GAS2: variants seen among roughly 807,000 people sequenced by gnomAD.
The protein encoded by GAS2 is growth arrest-specific protein 2.
A neutral mutation model predicts 37.5 loss-of-function variants in GAS2; 20 were observed. That is an observed-to-expected ratio of 0.53 (90% CI 0.37 to 0.77). The LOEUF is 0.77. Among genes scored for constraint, GAS2 ranks in the 30% least tolerant of loss-of-function variants. GAS2 has a pLI of 0.00. For missense variants in GAS2, 336 were observed against 373.4 expected (o/e 0.90, Z 0.82); for synonymous variants, 144 against 132.2 (o/e 1.09, Z -0.61).
Position 22,655,033 on chromosome 11 carries a change from G to A in GAS2, c.-20-19817G>A, listed in dbSNP as rs77263333. On this transcript the variant is annotated intron_variant, in intron 1 of 5. Transcript: ENST00000528582. ...TTAAGTCCAAACGTCTTAAAATGTT[G>A]TTCAAAACCACCTTAAACCTGATCA... Among the ~76,000 whole-genome samples the A allele has an allele frequency of 5.3e-3, 801 of 152,264 alleles. 7 individuals carry two copies. The highest frequency in any genetic ancestry group is 0.018 in the African/African-American group (765 of 41,552).
intron 3 of GAS2, among the ~76,000 whole-genome samples, chr11:22,690,939 A>G (rs1850218062): frequency 6.6e-6 from 1 of 152,096 alleles, no homozygotes; most frequent in South Asian, 2.1e-4. Context: ...ACGGGGCATC[A>G]GCGTGGGGCA....
intron 4 of GAS2, among the ~76,000 whole-genome samples, chr11:22,726,800 G>A (rs1056935425): frequency 2.8e-4 from 43 of 152,024 alleles, no homozygotes; most frequent in Admixed American, 2.6e-3. Context: ...AGCTGTGCAT[G>A]TTCTAGCCAT....
chr11:22,715,839 T>C (rs1345380327), intron 3 of GAS2, among the ~76,000 whole-genome samples: 1 of 152,068 alleles, frequency 6.6e-6, no homozygotes, highest in Non-Finnish European at 1.5e-5. Flanking sequence ...CCCTAAATCA[T>C]TCTATTAATC....
At chr11:22,639,054 T>C (rs1410738760) in intron 1 of GAS2, among the ~76,000 whole-genome samples, 2 of 152,158 alleles carry the variant, frequency 1.3e-5, no homozygotes. Flanking sequence ...AACAATTGTT[T>C]TATAGAGATT....
chr11:22,759,489 C>T (rs1854250262), intron 7 of GAS2, among the ~76,000 whole-genome samples: 1 of 152,120 alleles, frequency 6.6e-6, no homozygotes, highest in Admixed American at 6.5e-5. Flanking sequence ...TTGTTTCTAG[C>T]TTATGAAAAA....
At chr11:22,685,548 T>TC (rs1849898135) in intron 2 of GAS2, 120 bp from the exon 3 acceptor site, 1 of 993,070 alleles carries the variant, frequency 1.0e-6, no homozygotes, top group African/African-American at 1.6e-5. Context: ...TAAGCTCCTA[T>TC]CCCAGTTATG....
Position 22,674,905 on chromosome 11 carries a change from A to G in GAS2, c.36A>G (p.Gly12=), listed in dbSNP as rs922571. The G allele has an allele frequency of 0.65, 1,041,392 of 1,612,578 alleles. 344,793 individuals are homozygous for G. Among genetic ancestry groups the G allele is most frequent in the East Asian group, 0.77 (34,714 of 44,834 alleles). Residue 12 remains glycine, a synonymous_variant, in exon 2 of 8, where the codon GGA becomes GGG. Coordinates refer to ENST00000454584, the MANE Select transcript of GAS2 (RefSeq NM_001143830.3). ...CTALSPKVRS[G]PGLSDMHQYS... is the part of the protein sequence containing the mutation. ...CTCTGAGCCCAAAGGTACGCAGTGG[A>G]CCTGGCCTCTCTGATATGCATCAGT...
chr11:22,800,779 G>A (rs1348438368), intron 7 of GAS2, among the ~76,000 whole-genome samples: 1 of 151,972 alleles, frequency 6.6e-6, no homozygotes, highest in Admixed American at 6.6e-5. Flanking sequence ...ATTAAATAAA[G>A]CTATAAAATA....
intron 1 of GAS2, among the ~76,000 whole-genome samples, chr11:22,637,649 T>C (rs1187016824): frequency 7.4e-6 from 1 of 135,972 alleles, no homozygotes; most frequent in Non-Finnish European, 1.5e-5. Context: ...ATTTATATAT[T>C]ATTGATATAA....
intron 1 of GAS2, among the ~76,000 whole-genome samples, chr11:22,628,176 T>C (rs1858689817): frequency 6.6e-6 from 1 of 152,198 alleles, no homozygotes; most frequent in Non-Finnish European, 1.5e-5. Flanking sequence ...TCAACCTATA[T>C]TCTTGAGGCA....
At chr11:22,799,705 T>G (rs533967798) in intron 7 of GAS2, among the ~76,000 whole-genome samples, 35 of 152,254 alleles carry the variant, frequency 2.3e-4, no homozygotes, top group African/African-American at 8.4e-4. Flanking sequence ...CTCCTATCTT[T>G]TCCTAAATAA....
At position 22,684,481 on chromosome 11, in the gene GAS2, T is replaced by C. The variant is rs543073417; in HGVS notation, c.146-1187T>C. Among the ~76,000 whole-genome samples the C allele has an allele frequency of 4.2e-3, 637 of 150,810 alleles. 3 individuals carry two copies. Among genetic ancestry groups the C allele is most frequent in the African/African-American group, 0.015 (606 of 40,606 alleles). The stretch of plus-strand genomic sequence containing the variant: ...AGAAATAGAAGGAAGCTTGAATCTG[T>C]AGGACTTCTGACTAATAATTTACAC... On this transcript the variant is annotated intron_variant, in intron 2 of 7. Coordinates refer to ENST00000454584, the MANE Select transcript of GAS2 (RefSeq NM_001143830.3).
chr11:22,789,042 T>C (rs1855962913), intron 7 of GAS2, among the ~76,000 whole-genome samples: 1 of 151,600 alleles, frequency 6.6e-6, no homozygotes, highest in Non-Finnish European at 1.5e-5. Context: ...ATACTGATGA[T>C]TTACCTATAA....
chr11:22,654,881 C>T (rs1233004700), intron 1 of GAS2, among the ~76,000 whole-genome samples: 5 of 152,112 alleles, frequency 3.3e-5, no homozygotes, highest in African/African-American at 2.4e-5. Context: ...CTTGGAGCTA[C>T]ATACTAGTCT....
At chr11:22,681,107 T>A (rs956847869) in intron 2 of GAS2, among the ~76,000 whole-genome samples, 4 of 152,214 alleles carry the variant, frequency 2.6e-5, no homozygotes, top group African/African-American at 9.6e-5. Context: ...ACTGCTAATT[T>A]ATTGGGAAGA....
chr11:22,703,498 A>G (rs1850949167), intron 3 of GAS2, among the ~76,000 whole-genome samples: 1 of 152,184 alleles, frequency 6.6e-6, no homozygotes, highest in African/African-American at 2.4e-5. Context: ...TATGTATGCT[A>G]TTTCTTAAAG....
chr11:22,704,072 C>T (rs1590671220), intron 3 of GAS2, among the ~76,000 whole-genome samples: 2 of 152,098 alleles, frequency 1.3e-5, no homozygotes, highest in East Asian at 3.9e-4. Context: ...GAAAAGAACC[C>T]TACAATGAAG....
intron 3 of GAS2, among the ~76,000 whole-genome samples, chr11:22,707,625 C>T (rs542603497): frequency 6.6e-6 from 1 of 152,168 alleles, no homozygotes; most frequent in Non-Finnish European, 1.5e-5. Context: ...ATTGTCCAAA[C>T]ATGGTGCAAA....
chr11:22,681,820 A>G (rs564550237), intron 2 of GAS2, among the ~76,000 whole-genome samples: 1 of 142,358 alleles, frequency 7.0e-6, no homozygotes, highest in Non-Finnish European at 1.5e-5. Flanking sequence ...AAATTCAGCT[A>G]CTTTTATATT....
Sources: allele counts gnomAD v4.1 joint callset (sites outside exome capture counted in the v4.1 genomes callset), GRCh38; gene constraint gnomAD v4.1.1; transcripts MANE v1.5; gene names NCBI Gene and HGNC (gene_info 2026-07-23, HGNC 2026-07-21).